The following HERC1 variants were observed in gnomAD, a reference collection of about 807,000 sequenced individuals.
HERC1 encodes the protein probable E3 ubiquitin-protein ligase HERC1.
HERC1 carries 160 observed loss-of-function variants against 554.3 expected under a neutral mutation model. That is an observed-to-expected ratio of 0.29 (90% CI 0.25 to 0.33). HERC1 has a LOEUF of 0.33. Among genes scored for constraint, HERC1 ranks in the 10% least tolerant of loss-of-function variants. HERC1 has a pLI of 1.00. For missense variants in HERC1, 4,919 were observed against 5,918.5 expected, an observed-to-expected ratio of 0.83 and a Z score of 5.54; for synonymous variants, 2,175 against 2,131.7, an observed-to-expected ratio of 1.02 and a Z score of -0.56.
chr15:63,618,821 T>C (rs368019787), intron 74 of HERC1, among the ~76,000 whole-genome samples: 9 of 152,212 alleles, frequency 5.9e-5, no homozygotes, highest in Non-Finnish European at 1.0e-4. Context: ...TATAAGAATG[T>C]TTGTGATTTT....
intron 16 of HERC1, 89 bp downstream of exon 16, chr15:63,729,147 G>C: frequency 8.4e-7 from 1 of 1,183,954 alleles, no homozygotes; most frequent in Non-Finnish European, 1.2e-6. Context: ...TCCTATTCCA[G>C]AGGCTTCTGG....
intron 72 of HERC1, 63 bp downstream of exon 72, chr15:63,624,095 T>G: frequency 6.9e-7 from 1 of 1,443,312 alleles, no homozygotes; most frequent in Non-Finnish European, 9.5e-7. Flanking sequence ...TCACAGAAAT[T>G]AGTAATAACA....
At chr15:63,634,703 G>A in intron 66 of HERC1, 30 bp downstream of exon 66, 1 of 1,584,446 alleles carries the variant, frequency 6.3e-7, no homozygotes, top group Non-Finnish European at 8.6e-7. Context: ...ACAATGATCA[G>A]CTAGAATATC....
In HERC1 at chr15:63,694,811, G is replaced by A; in HGVS notation, c.5205C>T (p.Thr1735=). 1 of 1,613,778 alleles carries A rather than the reference G, an allele frequency of 6.2e-7. No homozygotes were observed. The highest frequency in any genetic ancestry group is 8.5e-7 in the Non-Finnish European group (1 of 1,179,818). Residue 1735 remains threonine, a synonymous_variant, in exon 28 of 78, where the codon ACC becomes ACT. Transcript: ENST00000443617. The surrounding 1 kb of genome is among the most constrained non-coding windows in gnomAD (Gnocchi z 4.3). ...TGTTTGCTTGCAGGGCTCTTTCCAG[G>A]GTAGCAGACAACTGTTGATAAATTT... ...VHKIYQQLSA[T]LERALQANKH...
chr15:63,706,942 C>T, intron 24 of HERC1, 111 bp from the exon 25 acceptor site: 2 of 658,446 alleles, frequency 3.0e-6, no homozygotes, highest in South Asian at 5.0e-5. Context: ...CAATGTCTTA[C>T]TTATTCATCA....
At chr15:63,833,743 A>ACACGCGCGCGCG (rs1386424635) in intron 1 of HERC1, 84 bp downstream of exon 1, 3 of 66,270 alleles carry the variant, frequency 4.5e-5, no homozygotes, top group African/African-American at 1.4e-4. Flanking sequence ...CAAAGCACAC[A>ACACGCGCGCGCG]CGCGCGCGCG....
intron 7 of HERC1, 27 bp from the exon 8 acceptor site, chr15:63,753,112 T>G (rs999429445): frequency 6.5e-7 from 1 of 1,527,354 alleles, no homozygotes; most frequent in East Asian, 2.3e-5. Context: ...ATTAAACAAT[T>G]TACTTGTTTT....
rs1271375971 is a variant in HERC1 at position 63,694,183 on chromosome 15, A to C, written c.5481-26T>G. On this transcript the variant is annotated intron_variant, in intron 29 of 77. Transcript: ENST00000443617. The surrounding 1 kb of genome is among the most constrained non-coding windows in gnomAD (Gnocchi z 4.3). ...CTATGTGAAATAAAAGAAAAAAATAAGTGGCAAACACACAGAAGGGCAAGC... is the reference window on the plus strand; with the variant it reads ...CTATGTGAAATAAAAGAAAAAAATACGTGGCAAACACACAGAAGGGCAAGC... 7.6e-6 allele frequency: 12 copies of C among 1,571,140 alleles called. No homozygotes were observed. In the East Asian group the frequency reaches 2.8e-4, roughly 36 times the overall value.
intron 1 of HERC1, among the ~76,000 whole-genome samples, chr15:63,798,707 C>T (rs769201092): frequency 6.6e-6 from 1 of 152,160 alleles, no homozygotes; most frequent in Non-Finnish European, 1.5e-5. Context: ...ATGGATTCCA[C>T]CTTATTTTAA....
At chr15:63,807,977 T>C (rs1272361093) in intron 1 of HERC1, among the ~76,000 whole-genome samples, 1 of 152,188 alleles carries the variant, frequency 6.6e-6, no homozygotes, top group African/African-American at 2.4e-5. Flanking sequence ...AGGAACTACT[T>C]TGAAAATAAA....
Position 63,649,818 on chromosome 15 carries a change from C to T in HERC1, c.10654G>A (p.Val3552Met). The T allele has an allele frequency of 6.2e-7, 1 of 1,613,626 alleles. No homozygotes were observed. Among genetic ancestry groups the T allele is most frequent in the Non-Finnish European group, 8.5e-7 (1 of 1,179,766 alleles). Reference protein sequence around the residue: ...WSGESPELLLVGRMDGSLGLI... With the variant: ...WSGESPELLLMGRMDGSLGLI... ...CCCAGAGATCCATCCATCCGTCCCA[C>T]CAACAACAATTCTGGAGACTCTCCT... is the stretch of plus-strand genomic sequence containing the variant. Residue 3552 changes from valine (V) to methionine (M), a missense_variant, in exon 54 of 78, where the codon GTG (valine) becomes ATG (methionine). Physicochemically the swap from Val to Met is conservative, Grantham distance 21 (BLOSUM62 1). This residue lies in a region of HERC1 where 1,963 missense variants were observed against 2,228.6 expected (regional missense o/e 0.88). Transcript: ENST00000443617.
At chr15:63,633,079 G>T (rs1279411286) in intron 67 of HERC1, among the ~76,000 whole-genome samples, 1 of 152,226 alleles carries the variant, frequency 6.6e-6, no homozygotes, top group Non-Finnish European at 1.5e-5. Flanking sequence ...CTGGGTAATA[G>T]AGACCAGGGA....
Position 63,739,136 on chromosome 15 carries a change from G to A in HERC1, c.2521-4287C>T, listed in dbSNP as rs540584545. ...CATTACTACCAAAAGAAAAAAAGCCGTGTGCCCATTACCAGTCATTCCTTA... is the reference window on the plus strand; with the variant it reads ...CATTACTACCAAAAGAAAAAAAGCCATGTGCCCATTACCAGTCATTCCTTA... On this transcript the variant is annotated intron_variant, in intron 12 of 77. Transcript: ENST00000443617. 1.3e-4 allele frequency among the ~76,000 whole-genome samples: 20 copies of A among 149,922 alleles called. No homozygotes were observed. The East Asian group carries it at 1.9e-3, about 15-fold the overall frequency.
chr15:63,764,190 C>T lies in HERC1; in HGVS notation c.932G>A (p.Gly311Asp), dbSNP rs574150491. 2 of 1,602,468 alleles carry T rather than the reference C, an allele frequency of 1.2e-6. No homozygotes were observed. The highest frequency in any genetic ancestry group is 2.7e-5 in the African/African-American group (2 of 74,798). Reference sequence around the variant, plus strand: ...CCACTGACTCCGATCAGCAGATGAACCCTATAATTAAAACATTGCGGGACA... The same window carrying T: ...CCACTGACTCCGATCAGCAGATGAATCCTATAATTAAAACATTGCGGGACA... ...TILMQMRRSL[G>D]SSADRSQWRE... Residue 311 changes from glycine to aspartate, a missense_variant and splice_region_variant, in exon 3 of 78, where the codon GGT becomes GAT. Gly to Asp is a moderately conservative substitution (Grantham distance 94). This residue lies in a region of HERC1 where 744 missense variants were observed against 1,090.0 expected (regional missense o/e 0.68). Transcript: ENST00000443617.
intron 8 of HERC1, among the ~76,000 whole-genome samples, chr15:63,751,232 T>C (rs117275825): frequency 6.6e-6 from 1 of 152,212 alleles, no homozygotes; most frequent in South Asian, 2.1e-4. Flanking sequence ...AACTTTTCTA[T>C]GTTTAGATAT....
rs1319259749 is a variant in HERC1, at chr15:63,734,831, A to G, written c.2539T>C (p.Ser847Pro). 1 of 1,610,850 alleles carries G rather than the reference A, an allele frequency of 6.2e-7. No individual in the cohort carries two copies. Among genetic ancestry groups the G allele is most frequent in the African/African-American group, 1.3e-5 (1 of 74,686 alleles). ...EIQEVVIETL[S>P]VGATMLLPPL... ...GGTAACAGCATGGTTGCTCCCACTG[A>G]TAAAGTTTCAATTACCACCTAATAT... Residue 847 changes from serine to proline, a missense_variant, in exon 13 of 78, where the codon TCA becomes CCA. Ser to Pro is a moderately conservative substitution (Grantham distance 74, BLOSUM62 -1). Transcript: ENST00000443617. The surrounding 1 kb of genome is among the most constrained non-coding windows in gnomAD (Gnocchi z 4.6).
intron 2 of HERC1, among the ~76,000 whole-genome samples, chr15:63,768,176 G>T (rs1043767880): frequency 3.3e-5 from 5 of 152,130 alleles, no homozygotes; most frequent in Non-Finnish European, 5.9e-5. Context: ...TTATTGCTGG[G>T]TCATCTGCTA....
rs555398525 is a variant in HERC1 at position 63,698,518 on chromosome 15, G to A, written c.4905+210C>T. Among the ~76,000 whole-genome samples the A allele has an allele frequency of 4.0e-5, 6 of 151,502 alleles. No individual in the cohort carries two copies. In the South Asian group the frequency reaches 1.3e-3, roughly 32 times the overall value. On this transcript the variant is annotated intron_variant, in intron 26 of 77. Coordinates refer to ENST00000443617, the MANE Select transcript of HERC1 (RefSeq NM_003922.4). ...TGAAGACTTCTGAGTATATTGTTCT[G>A]AGAGATGACAATTTTAAAATGCACT...
chr15:63,734,667 C>A lies in HERC1; in HGVS notation c.2646+57G>T. ...GGCAATTTATTAGTTTTATTTCCTT[C>A]TCAGTCCAAATTTTTAGGATACTAC... On this transcript the variant is annotated intron_variant, in intron 13 of 77. Transcript: ENST00000443617. The surrounding 1 kb of genome is among the most constrained non-coding windows in gnomAD (Gnocchi z 4.6). 1 of 1,438,180 alleles carries A rather than the reference C, an allele frequency of 7.0e-7. No homozygotes were observed. Among genetic ancestry groups the A allele is most frequent in the Non-Finnish European group, 9.2e-7 (1 of 1,082,048 alleles). The allele number at this position is 1,438,180 out of a possible 1,614,324, so 89.1% of individuals were successfully genotyped here.
Sources: allele counts gnomAD v4.1 joint callset (sites outside exome capture counted in the v4.1 genomes callset), GRCh38; gene constraint gnomAD v4.1.1; regional missense constraint gnomAD v4.1.1; non-coding constraint Gnocchi (gnomAD v3.1); transcripts MANE v1.5; gene names NCBI Gene and HGNC (gene_info 2026-07-23, HGNC 2026-07-21).